The following NEDD4L variants were observed in gnomAD, a reference collection of about 807,000 sequenced individuals.
NEDD4L encodes NEDD4 like E3 ubiquitin protein ligase, also known as E3 ubiquitin-protein ligase NEDD4-like.
NEDD4L carries 54 observed loss-of-function variants against 148.9 expected under a neutral mutation model. The observed-to-expected ratio is 0.36, with a 90% CI of 0.29 to 0.45. NEDD4L has a LOEUF of 0.45. Ranked by LOEUF, NEDD4L falls within the 20% of genes least tolerant of loss-of-function variation. NEDD4L has a pLI of 1.00. For synonymous variants in NEDD4L, 433 were observed against 440.7 expected (o/e 0.98, Z 0.22); for missense variants, 856 against 1,233.8 (o/e 0.69, Z 4.59).
intron 1 of NEDD4L, among the ~76,000 whole-genome samples, chr18:58,128,964 C>T (rs2031612640): frequency 6.6e-6 from 1 of 152,202 alleles, no homozygotes; most frequent in South Asian, 2.1e-4. Flanking sequence ...GCCTGTCACG[C>T]ATGTATAACA....
chr18:58,211,243 G>A (rs2042575490), intron 2 of NEDD4L, among the ~76,000 whole-genome samples: 3 of 152,130 alleles, frequency 2.0e-5, no homozygotes, highest in Admixed American at 6.5e-5. Context: ...TATCTTAGAG[G>A]TTCTTGTGAG....
intron 5 of NEDD4L, among the ~76,000 whole-genome samples, chr18:58,276,316 C>A (rs1013474874): frequency 2.0e-5 from 3 of 149,654 alleles, no homozygotes; most frequent in Admixed American, 1.3e-4. Context: ...TCAAGTGATT[C>A]TCCTGCCTCA....
chr18:58,332,483 A>C (rs945970082), intron 11 of NEDD4L, among the ~76,000 whole-genome samples: 1 of 152,148 alleles, frequency 6.6e-6, no homozygotes, highest in Non-Finnish European at 1.5e-5. Flanking sequence ...CCCCGTCTCT[A>C]CTAAAAATGC....
At chr18:58,273,676 A>G (rs1231501011) in intron 5 of NEDD4L, among the ~76,000 whole-genome samples, 2 of 152,130 alleles carry the variant, frequency 1.3e-5, no homozygotes, top group African/African-American at 4.8e-5. Flanking sequence ...ATTGTTGACA[A>G]TTTGGTGTTG....
At chr18:58,104,311 C>A (rs1157273601) in intron 1 of NEDD4L, among the ~76,000 whole-genome samples, 2 of 152,152 alleles carry the variant, frequency 1.3e-5, no homozygotes, top group Non-Finnish European at 2.9e-5. Context: ...TCACAGCAAG[C>A]TTATCTCTAA....
rs563691612 is a variant in NEDD4L, at chr18:58,158,263, A to G, written c.49-7525A>G. 4.6e-5 allele frequency among the ~76,000 whole-genome samples: 7 copies of G among 152,364 alleles called. No individual in the cohort carries two copies. In the South Asian group the frequency reaches 1.4e-3, roughly 32 times the overall value. On this transcript the variant is annotated intron_variant, in intron 1 of 30. Coordinates refer to ENST00000400345, the MANE Select transcript of NEDD4L (RefSeq NM_001144967.3). ...CAACAGCTGGCTTTCCCCAGAGGGA[A>G]TGATCCAAAAGAGAGGTGGAAGCCT... is the stretch of plus-strand genomic sequence containing the variant.
intron 1 of NEDD4L, among the ~76,000 whole-genome samples, chr18:58,072,984 C>T (rs777276348): frequency 1.3e-5 from 2 of 151,372 alleles, no homozygotes; most frequent in African/African-American, 4.8e-5. Context: ...ATTAATAAAA[C>T]AATTCCATGA....
intron 5 of NEDD4L, among the ~76,000 whole-genome samples, chr18:58,314,772 A>T (rs1601105654): frequency 6.6e-6 from 1 of 152,200 alleles, no homozygotes; most frequent in Non-Finnish European, 1.5e-5. Flanking sequence ...TTTTTTTATT[A>T]TCCAGAATGG....
intron 1 of NEDD4L, among the ~76,000 whole-genome samples, chr18:58,120,485 T>TA (rs2086161072): frequency 1.3e-5 from 2 of 152,140 alleles, no homozygotes. Flanking sequence ...GTTCACCCTT[T>TA]AAAAAATGCC....
intron 19 of NEDD4L, among the ~76,000 whole-genome samples, chr18:58,361,145 C>T (rs2045416072): frequency 6.6e-6 from 1 of 152,096 alleles, no homozygotes; most frequent in South Asian, 2.1e-4. Flanking sequence ...AGATTAAAAC[C>T]CAAGCCCCTA....
chr18:58,243,334 CTT>C (rs1246436487), intron 2 of NEDD4L, among the ~76,000 whole-genome samples: 1 of 152,154 alleles, frequency 6.6e-6, no homozygotes, highest in Non-Finnish European at 1.5e-5. Flanking sequence ...GCCTTGAGCT[CTT>C]TTATAAGCAA....
chr18:58,296,636 T>C (rs2055620091), intron 5 of NEDD4L, among the ~76,000 whole-genome samples: 2 of 152,174 alleles, frequency 1.3e-5, no homozygotes, highest in Non-Finnish European at 2.9e-5. Context: ...CAAGGACACT[T>C]GTGGGCCGGG....
chr18:58,293,922 T>C (rs1031148205), intron 5 of NEDD4L, among the ~76,000 whole-genome samples: 3 of 151,832 alleles, frequency 2.0e-5, no homozygotes, highest in African/African-American at 7.3e-5. Context: ...GGATTCTCAC[T>C]CTGTTGCCCA....
At chr18:58,062,757 G>T (rs1016076537) in intron 1 of NEDD4L, among the ~76,000 whole-genome samples, 1 of 152,178 alleles carries the variant, frequency 6.6e-6, no homozygotes, top group Non-Finnish European at 1.5e-5. Flanking sequence ...GAGAGGCTGA[G>T]GCAGGCAGAT....
At chr18:58,168,022 C>T (rs149247915) in intron 2 of NEDD4L, among the ~76,000 whole-genome samples, 82 of 152,108 alleles carry the variant, frequency 5.4e-4, no homozygotes, top group Non-Finnish European at 9.7e-4. Flanking sequence ...AGAGCAAATT[C>T]GTACCTTGAA....
rs1334859577 is a variant in NEDD4L, at chr18:58,077,882, GT to G, written c.48+33176del. Among the ~76,000 whole-genome samples the G allele has an allele frequency of 4.6e-5, 7 of 152,218 alleles. No homozygotes were observed. In the East Asian group the frequency reaches 1.2e-3, roughly 25 times the overall value. Reference sequence around the variant, plus strand: ...ATTGGACAATGTCTGGGATGGTTTGGTTATCACACCAGGGGGCATCTAGTGA... The same window carrying G: ...ATTGGACAATGTCTGGGATGGTTTGGTATCACACCAGGGGGCATCTAGTGA... On this transcript the variant is annotated intron_variant, in intron 1 of 30. Transcript: ENST00000400345.
At chr18:58,378,979 AT>A (rs893841917) in intron 24 of NEDD4L, among the ~76,000 whole-genome samples, 4 of 152,062 alleles carry the variant, frequency 2.6e-5, no homozygotes, top group African/African-American at 9.7e-5. Context: ...TTAAAGAGGA[AT>A]TTTTCTACTG....
At chr18:58,294,504 C>T (rs373527899) in intron 5 of NEDD4L, among the ~76,000 whole-genome samples, 47 of 152,130 alleles carry the variant, frequency 3.1e-4, no homozygotes, top group Non-Finnish European at 1.2e-4. Context: ...AACTGTTGCT[C>T]TTTCAAAAAC....
At chr18:58,188,511 T>C (rs771439511) in intron 2 of NEDD4L, among the ~76,000 whole-genome samples, 5 of 152,142 alleles carry the variant, frequency 3.3e-5, no homozygotes, top group Non-Finnish European at 7.3e-5. Flanking sequence ...TGAAGTGACA[T>C]GGGGAGGCAG....
Sources: allele counts gnomAD v4.1 joint callset (sites outside exome capture counted in the v4.1 genomes callset), GRCh38; gene constraint gnomAD v4.1.1; transcripts MANE v1.5; gene names NCBI Gene and HGNC (gene_info 2026-07-23, HGNC 2026-07-21).